Variants in SNTG1 observed in about 807,000 individuals in gnomAD.
SNTG1 encodes the protein gamma-1-syntrophin.
A neutral mutation model predicts 74.7 loss-of-function variants in SNTG1; 39 were observed. The ratio of observed to expected loss-of-function variants is 0.52; its 90% CI spans 0.40 to 0.68. The LOEUF is 0.68. Among genes scored for constraint, SNTG1 ranks in the 30% least tolerant of loss-of-function variants. The probability of loss-of-function intolerance (pLI) is 0.00; values close to 1 mark genes in which losing one functional copy is unlikely to be tolerated. For missense variants in SNTG1, 685 were observed against 609.5 expected (o/e 1.12, Z -1.30); for synonymous variants, 254 against 217.1 (o/e 1.17, Z -1.49).
intron 1 of SNTG1, among the ~76,000 whole-genome samples, chr8:50,016,949 T>C (rs1162355183): frequency 6.6e-6 from 1 of 152,056 alleles, no homozygotes; most frequent in Non-Finnish European, 1.5e-5. Context: ...ATGACATAGT[T>C]AAAGTTGTGG....
At chr8:50,747,330 G>T (rs1585698453) in intron 17 of SNTG1, among the ~76,000 whole-genome samples, 1 of 152,056 alleles carries the variant, frequency 6.6e-6, no homozygotes, top group Middle Eastern at 3.4e-3. Flanking sequence ...TAGTAGAATT[G>T]TTCAGACCAT....
chr8:50,401,663 G>T (rs1276427529), intron 3 of SNTG1, among the ~76,000 whole-genome samples: 1 of 152,074 alleles, frequency 6.6e-6, no homozygotes, highest in Admixed American at 6.6e-5. Flanking sequence ...GCATGTGTTT[G>T]TTGGTGACTA....
At chr8:50,013,357 A>G (rs773216652) in intron 1 of SNTG1, among the ~76,000 whole-genome samples, 1 of 152,068 alleles carries the variant, frequency 6.6e-6, no homozygotes, top group Non-Finnish European at 1.5e-5. Flanking sequence ...CTGAAATTCA[A>G]TTCTCTGTGA....
chr8:50,438,636 T>C, intron 5 of SNTG1, 37 bp downstream of exon 5: 1 of 1,543,990 alleles, frequency 6.5e-7, no homozygotes, highest in Non-Finnish European at 8.9e-7. Flanking sequence ...ACAAAGGCCA[T>C]GCCATAAGAG....
chr8:50,356,250 T>A (rs2091813395), intron 2 of SNTG1, among the ~76,000 whole-genome samples: 1 of 152,070 alleles, frequency 6.6e-6, no homozygotes, highest in Non-Finnish European at 1.5e-5. Context: ...AACGACTTGA[T>A]TCAGCTTCCC....
chr8:50,471,262 A>T (rs1252685588), intron 8 of SNTG1, among the ~76,000 whole-genome samples: 3 of 149,154 alleles, frequency 2.0e-5, no homozygotes, highest in African/African-American at 2.5e-5. Flanking sequence ...TTTTTTGGAG[A>T]CACCCTTGCT....
intron 1 of SNTG1, among the ~76,000 whole-genome samples, chr8:50,075,033 TC>T (rs1586158159): frequency 6.6e-6 from 1 of 152,070 alleles, no homozygotes; most frequent in East Asian, 1.9e-4. Flanking sequence ...GTACACTGGG[TC>T]CCCCAGCACT....
At chr8:50,135,718 C>T (rs2081451109) in intron 1 of SNTG1, among the ~76,000 whole-genome samples, 2 of 151,904 alleles carry the variant, frequency 1.3e-5, no homozygotes, top group South Asian at 2.1e-4. Flanking sequence ...CTCTTCTGTC[C>T]TTGTTATCTC....
intron 1 of SNTG1, among the ~76,000 whole-genome samples, chr8:49,923,467 G>A (rs1166427502): frequency 2.0e-5 from 3 of 152,054 alleles, no homozygotes; most frequent in African/African-American, 7.2e-5. Flanking sequence ...AATTCCAAAT[G>A]AAATACAGTC....
intron 17 of SNTG1, among the ~76,000 whole-genome samples, chr8:50,741,354 C>T (rs1585685365): frequency 6.6e-6 from 1 of 151,970 alleles, no homozygotes; most frequent in Admixed American, 6.6e-5. Context: ...AATTCCTGAC[C>T]TCAGGTGATC....
intron 11 of SNTG1, among the ~76,000 whole-genome samples, chr8:50,551,525 G>T (rs1209375019): frequency 6.6e-6 from 1 of 152,252 alleles, no homozygotes; most frequent in East Asian, 1.9e-4. Context: ...CCAGAGAGCA[G>T]AAAGAAATAT....
chr8:50,314,568 A>C (rs2130774107), intron 2 of SNTG1, among the ~76,000 whole-genome samples: 1 of 149,840 alleles, frequency 6.7e-6, no homozygotes, highest in Middle Eastern at 3.4e-3. Context: ...CATTTGAATA[A>C]AGTATATTGG....
chr8:50,433,039 C>G (rs1206832858), intron 4 of SNTG1, among the ~76,000 whole-genome samples: 1 of 152,148 alleles, frequency 6.6e-6, no homozygotes, highest in South Asian at 2.1e-4. Flanking sequence ...ATCCACCTGC[C>G]TCGGCCTCCC....
At chr8:50,100,833 G>A (rs1186502830) in intron 1 of SNTG1, among the ~76,000 whole-genome samples, 1 of 151,946 alleles carries the variant, frequency 6.6e-6, no homozygotes, top group African/African-American at 2.4e-5. Context: ...TTGTTTTATA[G>A]GTAAATTGTA....
At chr8:50,090,561 A>G (rs1376434224) in intron 1 of SNTG1, among the ~76,000 whole-genome samples, 2 of 152,170 alleles carry the variant, frequency 1.3e-5, no homozygotes, top group Non-Finnish European at 1.5e-5. Flanking sequence ...GTCAAGGTCT[A>G]TATAACTCTT....
Position 50,450,572 on chromosome 8 carries a change from A to G in SNTG1, c.294A>G (p.Leu98=), listed in dbSNP as rs1447383368. The part of the protein sequence containing the change: ...SKEQRAELSG[L]LFIGDAILQI... The stretch of plus-strand genomic sequence containing the variant: ...CATTCACAGCGGAACTTTCAGGACT[A>G]CTTTTTATTGGAGATGCAATTCTAC... The change falls in exon 7 of 19, where the codon CTA becomes CTG. Residue 98 remains leucine (L), a synonymous_variant. Transcript: ENST00000642720. 3 of 1,613,524 alleles carry G rather than the reference A, an allele frequency of 1.9e-6. No individual in the cohort carries two copies. Among genetic ancestry groups the G allele is most frequent in the Non-Finnish European group, 8.5e-7 (1 of 1,179,758 alleles).
At chr8:50,510,374 G>A (rs2129915504) in intron 9 of SNTG1, among the ~76,000 whole-genome samples, 1 of 152,004 alleles carries the variant, frequency 6.6e-6, no homozygotes, top group South Asian at 2.1e-4. Flanking sequence ...GTCTTAAATT[G>A]TCTTTTTTTG....
At chr8:50,632,755 A>G (rs1277637908) in intron 13 of SNTG1, among the ~76,000 whole-genome samples, 1 of 152,240 alleles carries the variant, frequency 6.6e-6, no homozygotes, top group Non-Finnish European at 1.5e-5. Context: ...CCTTTCCCAA[A>G]CCAAAATTCT....
At chr8:50,196,091 C>A (rs1474675019) in intron 2 of SNTG1, among the ~76,000 whole-genome samples, 1 of 152,140 alleles carries the variant, frequency 6.6e-6, no homozygotes, top group Non-Finnish European at 1.5e-5. Flanking sequence ...TATGTAATGT[C>A]CTTAGTCTGT....
Sources: allele counts gnomAD v4.1 joint callset (sites outside exome capture counted in the v4.1 genomes callset), GRCh38; gene constraint gnomAD v4.1.1; transcripts MANE v1.5; gene names NCBI Gene and HGNC (gene_info 2026-07-23, HGNC 2026-07-21).